The following BLM variants were observed in gnomAD, a reference collection of about 807,000 sequenced individuals.
BLM encodes recQ-like DNA helicase BLM.
Under a neutral mutation model 135.3 loss-of-function variants are expected in BLM, and 95 were observed. That is an observed-to-expected ratio of 0.70 (90% CI 0.59 to 0.83). The LOEUF is 0.83. Among genes scored for constraint, BLM ranks in the 40% least tolerant of loss-of-function variants. The pLI is 0.00. For missense variants in BLM, 1,518 were observed against 1,663.9 expected (o/e 0.91, Z 1.53); for synonymous variants, 520 against 589.2 (o/e 0.88, Z 1.70).
chr15:90,810,174 T>G (rs1035162466), intron 20 of BLM, among the ~76,000 whole-genome samples: 12 of 146,940 alleles, frequency 8.2e-5, no homozygotes, highest in Admixed American at 8.1e-4. Flanking sequence ...CACCTCAGCC[T>G]CCCCAGTAGC....
chr15:90,792,661 G>A (rs1896935313), intron 15 of BLM, among the ~76,000 whole-genome samples: 1 of 152,108 alleles, frequency 6.6e-6, no homozygotes, highest in African/African-American at 2.4e-5. Context: ...ATAGATAAGT[G>A]TTTATTTAGC....
intron 14 of BLM, among the ~76,000 whole-genome samples, chr15:90,787,126 T>G (rs1469800657): frequency 7.8e-6 from 1 of 127,412 alleles, no homozygotes; most frequent in East Asian, 2.8e-4. Context: ...CTCAGCTCAC[T>G]GCAAGCTCCG....
At chr15:90,805,914 T>C (rs946129822) in intron 19 of BLM, among the ~76,000 whole-genome samples, 2 of 152,052 alleles carry the variant, frequency 1.3e-5, no homozygotes, top group Non-Finnish European at 2.9e-5. Context: ...AGCTGTGTTA[T>C]GTACAAATAT....
At chr15:90,750,418 A>G (rs1252385891) in intron 3 of BLM, among the ~76,000 whole-genome samples, 1 of 152,138 alleles carries the variant, frequency 6.6e-6, no homozygotes, top group Admixed American at 6.6e-5. Context: ...TGGGACCATT[A>G]TTAAGAAAAC....
At position 90,749,983 on chromosome 15, in the gene BLM, G is replaced by C. The variant is rs200756519; in HGVS notation, c.715G>C (p.Asp239His). 77 of 1,614,202 alleles carry C rather than the reference G, an allele frequency of 4.8e-5. No homozygotes were observed. The East Asian group carries it at 1.7e-3, about 35-fold the overall frequency. Residue 239 changes from aspartate (D) to histidine (H), a missense_variant, in exon 3 of 22, where the codon GAT becomes CAT. Coordinates refer to ENST00000355112, the MANE Select transcript of BLM (RefSeq NM_000057.4). ...EWLSSDVICI[D>H]DGPIAEVHIN... ...GTTAAGCAGCGATGTGATTTGCATC[G>C]ATGATGGCCCCATTGCTGAAGTGCA...
At chr15:90,763,190 C>T in intron 8 of BLM, 33 bp downstream of exon 8, 1 of 1,601,432 alleles carries the variant, frequency 6.2e-7, no homozygotes, top group East Asian at 2.2e-5. Flanking sequence ...TGGCAGGAAT[C>T]CATTGGCAGA....
chr15:90,785,189 C>A, intron 14 of BLM, 108 bp downstream of exon 14: 4 of 1,196,930 alleles, frequency 3.3e-6, no homozygotes, highest in Non-Finnish European at 4.7e-6. Flanking sequence ...TAGTAAACAT[C>A]AAAATAAGAC....
At chr15:90,747,742 G>A in intron 2 of BLM, 1 of 413,502 alleles carries the variant, frequency 2.4e-6, no homozygotes, top group Non-Finnish European at 4.4e-6. Context: ...ATGAATAATT[G>A]ATCTTGTAAA....
chr15:90,766,292 A>T (rs1012777846), intron 9 of BLM, among the ~76,000 whole-genome samples: 1 of 151,984 alleles, frequency 6.6e-6, no homozygotes, highest in Non-Finnish European at 1.5e-5. Flanking sequence ...ACATTTATCT[A>T]AAAAAAAGAT....
At chr15:90,790,934 T>G in intron 15 of BLM, 90 bp downstream of exon 15, 1 of 1,306,322 alleles carries the variant, frequency 7.7e-7, no homozygotes, top group Non-Finnish European at 1.1e-6. Context: ...CTGGTCCAGT[T>G]TTCCTTAAAT....
chr15:90,811,319 C>T lies in BLM; in HGVS notation c.3989C>T (p.Thr1330Ile). The T allele has an allele frequency of 6.2e-7, 1 of 1,614,030 alleles. No homozygotes were observed. The highest frequency in any genetic ancestry group is 8.5e-7 in the Non-Finnish European group (1 of 1,180,008). Reference protein sequence around the residue: ...PVSSHYFASKTRNERKRKKMP... With the variant: ...PVSSHYFASKIRNERKRKKMP... ...TCTTCCCACTACTTTGCAAGTAAAA[C>T]CAGAAATGAAAGGAAGAGGAAAAAG... Residue 1330 changes from threonine to isoleucine, a missense_variant, in exon 21 of 22, where the codon ACC (threonine) becomes ATC (isoleucine). Thr to Ile is a moderately conservative substitution (Grantham distance 89, BLOSUM62 -1). Around this residue, in one of 5 missense-constraint regions of BLM, gnomAD observed 153 missense variants for 173.4 expected, o/e 0.88. Transcript: ENST00000355112.
chr15:90,811,102 G>A (rs909347878), intron 20 of BLM, 103 bp from the exon 21 acceptor site: 13 of 1,172,388 alleles, frequency 1.1e-5, no homozygotes, highest in African/African-American at 3.0e-5. Context: ...AAGCAGCTAG[G>A]TATCTGCTAA....
chr15:90,748,050 C>T (rs1207142495), intron 2 of BLM, among the ~76,000 whole-genome samples: 6 of 151,766 alleles, frequency 4.0e-5, no homozygotes, highest in Non-Finnish European at 8.8e-5. Context: ...TCATGATCCA[C>T]CTGCCTCGGC....
intron 9 of BLM, among the ~76,000 whole-genome samples, chr15:90,766,241 T>C (rs1896122979): frequency 6.6e-6 from 1 of 152,216 alleles, no homozygotes; most frequent in Non-Finnish European, 1.5e-5. Flanking sequence ...TTTGTCATAT[T>C]ATGGCCCCTT....
chr15:90,756,069 T>G (rs1264720656), intron 5 of BLM, among the ~76,000 whole-genome samples: 1 of 152,078 alleles, frequency 6.6e-6, no homozygotes, highest in Non-Finnish European at 1.5e-5. Context: ...ACTAATTCAG[T>G]CATCACCATA....
chr15:90,811,603 T>C (rs537924145), intron 21 of BLM, among the ~76,000 whole-genome samples, 197 bp downstream of exon 21: 2 of 152,306 alleles, frequency 1.3e-5, no homozygotes, highest in Admixed American at 6.5e-5. Context: ...CAACAAAAAA[T>C]ATTTGCTTCA....
intron 1 of BLM, among the ~76,000 whole-genome samples, chr15:90,744,461 C>T (rs1895447849): frequency 6.6e-6 from 1 of 152,100 alleles, no homozygotes; most frequent in Non-Finnish European, 1.5e-5. Flanking sequence ...CAACCTCTGC[C>T]TCCCGGGTTC....
chr15:90,776,395 TC>T (rs1274384964), intron 12 of BLM, among the ~76,000 whole-genome samples: 3 of 152,246 alleles, frequency 2.0e-5, no homozygotes, highest in Non-Finnish European at 4.4e-5. Flanking sequence ...AGAATCTTGT[TC>T]CCTGTATCCA....
chr15:90,765,072 G>A (rs1349508471), intron 8 of BLM, among the ~76,000 whole-genome samples: 1 of 151,644 alleles, frequency 6.6e-6, no homozygotes, highest in Non-Finnish European at 1.5e-5. Flanking sequence ...CTGTCTCAAA[G>A]ACAAAAACAA....
Sources: allele counts gnomAD v4.1 joint callset (sites outside exome capture counted in the v4.1 genomes callset), GRCh38; gene constraint gnomAD v4.1.1; regional missense constraint gnomAD v4.1.1; transcripts MANE v1.5; gene names NCBI Gene and HGNC (gene_info 2026-07-23, HGNC 2026-07-21).